ATF7: variants seen among roughly 807,000 people sequenced by gnomAD.
ATF7 encodes the protein cyclic AMP-dependent transcription factor ATF-7.
ATF7 carries 10 observed loss-of-function variants against 50.4 expected under a neutral mutation model. The observed-to-expected ratio is 0.20, with a 90% CI of 0.12 to 0.34. The LOEUF is 0.34. Ranked by LOEUF, ATF7 falls within the 10% of genes least tolerant of loss-of-function variation. The pLI, the probability that ATF7 is intolerant of heterozygous loss-of-function variation, is 1.00. For missense variants in ATF7, 465 were observed against 613.9 expected (o/e 0.76, Z 2.56); for synonymous variants, 201 against 226.4 (o/e 0.89, Z 1.01).
At chr12:53,592,516 C>A (rs569864485) in intron 2 of ATF7, among the ~76,000 whole-genome samples, 17 of 152,248 alleles carry the variant, frequency 1.1e-4, no homozygotes, top group South Asian at 8.3e-4. Context: ...ACACATTCTA[C>A]CTCAAAAGTA....
intron 11 of ATF7, 69 bp downstream of exon 11, chr12:53,523,207 A>C: frequency 8.8e-7 from 1 of 1,133,884 alleles, no homozygotes; most frequent in East Asian, 2.4e-5. Flanking sequence ...TAAAATTATA[A>C]GCAGTTGAGA....
chr12:53,594,341 C>A (rs1943065814), intron 2 of ATF7, among the ~76,000 whole-genome samples: 1 of 152,166 alleles, frequency 6.6e-6, no homozygotes, highest in Non-Finnish European at 1.5e-5. Context: ...GAGGGAATAA[C>A]TGAAAAATGT....
chr12:53,617,571 G>C (rs1280307418), intron 1 of ATF7, among the ~76,000 whole-genome samples: 1 of 152,176 alleles, frequency 6.6e-6, no homozygotes, highest in Non-Finnish European at 1.5e-5. Flanking sequence ...GGAGGCTGCA[G>C]TGAGCCAAGA....
chr12:53,531,692 T>C (rs1938902695), intron 9 of ATF7, 52 bp downstream of exon 9: 39 of 1,525,372 alleles, frequency 2.6e-5, no homozygotes, highest in Non-Finnish European at 2.9e-5. Flanking sequence ...ACAATAGATA[T>C]GACATAAAGA....
chr12:53,527,846 AATG>A (rs1938567192), intron 9 of ATF7, among the ~76,000 whole-genome samples: 2 of 151,836 alleles, frequency 1.3e-5, no homozygotes, highest in Non-Finnish European at 2.9e-5. Flanking sequence ...ATAATTAAGA[AATG>A]ATTTTTTTTT....
At chr12:53,543,581 T>C (rs1003545997) in intron 3 of ATF7, 133 bp from the exon 4 acceptor site, 8 of 979,374 alleles carry the variant, frequency 8.2e-6, no homozygotes, top group Non-Finnish European at 1.2e-5. Flanking sequence ...GCAAATTTGC[T>C]TTAATGGAGC....
chr12:53,591,055 C>T (rs1461454430), intron 2 of ATF7, among the ~76,000 whole-genome samples: 2 of 152,000 alleles, frequency 1.3e-5, no homozygotes, highest in Non-Finnish European at 2.9e-5. Context: ...TTTGGTTCAA[C>T]AATTGTAACA....
At chr12:53,523,029 C>T in intron 11 of ATF7, 1 of 400,028 alleles carries the variant, frequency 2.5e-6, no homozygotes, top group Non-Finnish European at 4.6e-6. Context: ...TGTAGCATGC[C>T]TAACACAAAA....
chr12:53,540,471 C>G (rs1939486690), intron 4 of ATF7, among the ~76,000 whole-genome samples: 1 of 152,016 alleles, frequency 6.6e-6, no homozygotes, highest in East Asian at 1.9e-4. Context: ...CGCCTATAAT[C>G]CCAGCACTTT....
At chr12:53,539,742 CAA>C (rs1198982278) in intron 4 of ATF7, among the ~76,000 whole-genome samples, 3 of 150,886 alleles carry the variant, frequency 2.0e-5, no homozygotes, top group African/African-American at 7.3e-5. Context: ...AAAAAAATGA[CAA>C]AAAGACTGTG....
At position 53,552,713 on chromosome 12, in the gene ATF7, C is replaced by T. The variant is rs569667576; in HGVS notation, c.49-76G>A. On this transcript the variant is annotated intron_variant, in intron 2 of 11. Coordinates refer to ENST00000420353, the MANE Select transcript of ATF7 (RefSeq NM_006856.3). ...TTCGGTGCCCTTTTAAAATGTCCTA[C>T]CAAACATCTTGCAATGAGATTGGTC... The T allele has an allele frequency of 3.6e-6, 4 of 1,111,644 alleles. No homozygotes were observed. In the Admixed American group the frequency reaches 7.7e-5, roughly 21 times the overall value. The allele number at this position is 1,111,644 out of a possible 1,614,324, so 68.9% of individuals were successfully genotyped here.
intron 2 of ATF7, among the ~76,000 whole-genome samples, chr12:53,593,347 T>C (rs918748612): frequency 6.6e-6 from 1 of 152,036 alleles, no homozygotes; most frequent in African/African-American, 2.4e-5. Context: ...TGAGTTATGA[T>C]TGCACCACTG....
chr12:53,556,185 T>G (rs990970063), intron 2 of ATF7, among the ~76,000 whole-genome samples: 4 of 152,232 alleles, frequency 2.6e-5, no homozygotes, highest in Admixed American at 2.6e-4. Flanking sequence ...CAAAATGTAC[T>G]TACGATGTTG....
chr12:53,585,376 G>T (rs923212605), intron 2 of ATF7, among the ~76,000 whole-genome samples: 32 of 152,258 alleles, frequency 2.1e-4, no homozygotes, highest in Admixed American at 1.6e-3. Context: ...CAGGTTCATT[G>T]AATGTAACAA....
chr12:53,509,865 G>A (rs1416474574), downstream of ATF7, among the ~76,000 whole-genome samples: 1 of 152,018 alleles, frequency 6.6e-6, no homozygotes, highest in African/African-American at 2.4e-5. Flanking sequence ...AAGGCATCTA[G>A]GAACCAACTT....
At chr12:53,625,022 C>A (rs11170617) in intron 1 of ATF7, among the ~76,000 whole-genome samples, 26,315 of 152,112 alleles carry the variant, frequency 0.17, 2,906 homozygotes, top group East Asian at 0.56. Flanking sequence ...ACTCTGCACA[C>A]CCCCTACACA....
intron 2 of ATF7, among the ~76,000 whole-genome samples, chr12:53,584,955 C>A (rs1380978701): frequency 6.6e-6 from 1 of 152,074 alleles, no homozygotes; most frequent in East Asian, 1.9e-4. Context: ...CTGTATGATA[C>A]TACAATGGTG....
intron 2 of ATF7, among the ~76,000 whole-genome samples, chr12:53,575,325 T>C (rs952006325): frequency 1.3e-5 from 2 of 151,840 alleles, no homozygotes; most frequent in African/African-American, 4.8e-5. Context: ...GAGAATCGCT[T>C]GAACCCAGGA....
At chr12:53,547,283 C>CTTTTTTTT (rs34610513) in intron 3 of ATF7, among the ~76,000 whole-genome samples, 1 of 62,542 alleles carries the variant, frequency 1.6e-5, no homozygotes, top group African/African-American at 6.4e-5. Context: ...CGTGCCCAGC[C>CTTTTTTTT]TTTTTTTTTT....
Sources: gnomAD v4.1 joint callset for allele counts (sites outside exome capture counted in the v4.1 genomes callset) on GRCh38, gnomAD v4.1.1 for gene constraint, MANE v1.5 for transcripts, NCBI Gene and HGNC (gene_info 2026-07-23, HGNC 2026-07-21) for gene names.